The following DOCK11 variants were observed in gnomAD, a reference collection of about 807,000 sequenced individuals.
DOCK11 encodes dedicator of cytokinesis protein 11.
In DOCK11, 70 loss-of-function variants were observed where a neutral mutation model predicts 169.1. The observed-to-expected ratio is 0.41, with a 90% CI of 0.34 to 0.51. The LOEUF (loss-of-function observed/expected upper bound fraction) is 0.51. Ranked by LOEUF, DOCK11 falls within the 20% of genes least tolerant of loss-of-function variation. DOCK11 has a pLI of 0.10. For synonymous variants in DOCK11, 529 were observed against 541.3 expected (o/e 0.98, Z 0.32); for missense variants, 1,166 against 1,538.8 (o/e 0.76, Z 4.05).
intron 1 of DOCK11, among the ~76,000 whole-genome samples, chrX:118,518,534 C>A (rs1000344006): frequency 1.1e-4 from 12 of 111,634 alleles, no homozygotes; most frequent in Non-Finnish European, 1.7e-4. Flanking sequence ...CATAGTGAGA[C>A]CCCCATCTCT....
chrX:118,515,579 AG>A (rs2057677645), intron 1 of DOCK11, among the ~76,000 whole-genome samples: 2 of 110,852 alleles, frequency 1.8e-5, no homozygotes, highest in African/African-American at 6.6e-5. Context: ...TATCATTTGC[AG>A]GTTCCAGGGA....
intron 48 of DOCK11, among the ~76,000 whole-genome samples, chrX:118,680,213 C>A (rs961011222): frequency 9.1e-6 from 1 of 110,403 alleles, no homozygotes; most frequent in Non-Finnish European, 1.9e-5. Context: ...AGGCATGAGC[C>A]ACCGTGCCTG....
intron 31 of DOCK11, among the ~76,000 whole-genome samples, chrX:118,620,093 G>A (rs1301614128): frequency 8.1e-5 from 9 of 111,091 alleles, no homozygotes; most frequent in African/African-American, 2.6e-4. Flanking sequence ...TGGGATTACA[G>A]GCGTGAGCCA....
At chrX:118,543,616 A>G in intron 4 of DOCK11, 23 bp downstream of exon 4, 1 of 1,148,296 alleles carries the variant, frequency 8.7e-7, no homozygotes, top group South Asian at 1.8e-5. Context: ...TTCCAGGGAA[A>G]CATGCAACAG....
rs868344011 is a variant in DOCK11 at position 118,647,743 on chromosome X, A to T, written c.4399-1202A>T. Reference sequence around the variant, plus strand: ...ATAATAATTAATATAATATAATATAATATATAATAATATATAATATATTAT... The same window carrying T: ...ATAATAATTAATATAATATAATATATTATATAATAATATATAATATATTAT... On this transcript the variant is annotated intron_variant, in intron 40 of 52. Coordinates refer to ENST00000276202, the MANE Select transcript of DOCK11 (RefSeq NM_144658.4). Among the ~76,000 whole-genome samples the T allele has an allele frequency of 5.8e-5, 3 of 51,515 alleles. 1 individual carries two copies. Among genetic ancestry groups the T allele is most frequent in the African/African-American group, 1.8e-4 (2 of 11,125 alleles). The allele number at this position is 51,515 out of a possible 115,157, so 44.7% of individuals were successfully genotyped here.
At chrX:118,684,209 C>T (rs921333274) in intron 52 of DOCK11, among the ~76,000 whole-genome samples, 1 of 109,273 alleles carries the variant, frequency 9.2e-6, no homozygotes, top group Non-Finnish European at 1.9e-5. Flanking sequence ...TAATCTGTTA[C>T]AGAATACCGA....
intron 35 of DOCK11, among the ~76,000 whole-genome samples, chrX:118,630,761 AT>A (rs1207260315): frequency 8.9e-6 from 1 of 112,597 alleles, no homozygotes; most frequent in East Asian, 2.8e-4. Context: ...AGTGCTAAAC[AT>A]TTTGTTTTCA....
In DOCK11 at chrX:118,681,226, T is replaced by G; in HGVS notation, c.5840T>G (p.Leu1947Trp). ...GACATGATTCAGCTCCAACTTAAAT[T>G]GCAGGGCTGTGTTTCTGTGCAGGTA... is the stretch of plus-strand genomic sequence containing the variant. ...DVDMIQLQLK[L>W]QGCVSVQVNA... The change falls in exon 50 of 53, where the codon TTG (leucine) becomes TGG (tryptophan). Residue 1947 changes from leucine (L) to tryptophan (W), a missense_variant. Coordinates refer to ENST00000276202, the MANE Select transcript of DOCK11 (RefSeq NM_144658.4). 8.4e-7 allele frequency: 1 copy of G among 1,195,600 alleles called. No individual in the cohort carries two copies. The highest frequency in any genetic ancestry group is 1.1e-6 in the Non-Finnish European group (1 of 889,017).
At chrX:118,607,062 TCCTTTTCCTTTCCTTTCCTTTTCCCTTTC>T (rs2014530643) in intron 24 of DOCK11, among the ~76,000 whole-genome samples, 2 of 107,711 alleles carry the variant, frequency 1.9e-5, no homozygotes, top group African/African-American at 6.8e-5. Context: ...CCTTTCCTTT[TCCTTTTCCTTTCCTTTCCTTTTCCCTTTC>T]CCTTTTCTTT....
At chrX:118,638,152 C>T in intron 37 of DOCK11, 25 bp downstream of exon 37, 1 of 1,184,181 alleles carries the variant, frequency 8.4e-7, no homozygotes, top group South Asian at 1.8e-5. Flanking sequence ...ACTGCAATTT[C>T]TACTTTTTCC....
At chrX:118,658,970 C>G (rs2016149099) in intron 44 of DOCK11, among the ~76,000 whole-genome samples, 1 of 111,695 alleles carries the variant, frequency 9.0e-6, no homozygotes, top group Admixed American at 9.5e-5. Flanking sequence ...CCCATAGAAT[C>G]TGGTTTTTTT....
At chrX:118,628,906 C>T (rs2015171603) in intron 34 of DOCK11, among the ~76,000 whole-genome samples, 1 of 112,331 alleles carries the variant, frequency 8.9e-6, no homozygotes, top group Non-Finnish European at 1.9e-5. Context: ...TCTCAATTTA[C>T]AAATGAAAAT....
rs193128257 is a variant in DOCK11 at position 118,625,409 on chromosome X, G to A, written c.3588+754G>A. Among the ~76,000 whole-genome samples the A allele has an allele frequency of 4.0e-3, 446 of 110,899 alleles. 2 individuals are homozygous for A. The highest frequency in any genetic ancestry group is 0.014 in the African/African-American group (431 of 30,469). On this transcript the variant is annotated intron_variant, in intron 32 of 52. Coordinates refer to ENST00000276202, the MANE Select transcript of DOCK11 (RefSeq NM_144658.4). Reference sequence around the variant, plus strand: ...TGACCTCAGGTGATCTACCCACCACGGCCCCCAAAGTGCTAGGATTACAGG... The same window carrying A: ...TGACCTCAGGTGATCTACCCACCACAGCCCCCAAAGTGCTAGGATTACAGG...
chrX:118,553,223 T>G (rs757542508), intron 6 of DOCK11, among the ~76,000 whole-genome samples: 73 of 112,293 alleles, frequency 6.5e-4, no homozygotes, highest in Non-Finnish European at 1.1e-3. Flanking sequence ...TTTATTCAAC[T>G]TCTTTTCATA....
At position 118,628,168 on chromosome X, in the gene DOCK11, G is replaced by A; in HGVS notation, c.3670G>A (p.Gly1224Arg). 2.5e-6 allele frequency: 3 copies of A among 1,187,044 alleles called. No individual in the cohort carries two copies. The highest frequency in any genetic ancestry group is 3.0e-5 in the East Asian group (1 of 33,504). ...TGACTTTTTTTTTTCCCCAGCTTAT[G>A]GGTCTTTTCAAAATGGACATGGAAT... ...SLSTDKDTAY[G>R]SFQNGHGIKR... Residue 1224 changes from glycine to arginine, a missense_variant, in exon 34 of 53, where the codon GGG (glycine) becomes AGG (arginine). Coordinates refer to ENST00000276202, the MANE Select transcript of DOCK11 (RefSeq NM_144658.4).
Position 118,544,644 on chromosome X carries a change from G to GTTTT in DOCK11, c.393-679_393-678insTTTT, listed in dbSNP as rs1439441148. Among the ~76,000 whole-genome samples, 25 of 45,743 alleles carry GTTTT rather than the reference G, an allele frequency of 5.5e-4. 1 individual carries two copies. In the South Asian group the frequency reaches 8.3e-3, roughly 15 times the overall value. The allele number at this position is 45,743 out of a possible 115,157, so 39.7% of individuals were successfully genotyped here. A position where few individuals can be genotyped will look rare whatever the true frequency, so the allele number is the denominator to read the frequency against. On this transcript the variant is annotated intron_variant, in intron 4 of 52. Coordinates refer to ENST00000276202, the MANE Select transcript of DOCK11 (RefSeq NM_144658.4). Reference sequence around the variant, plus strand: ...ATGCAAGAGCCAGAATTACACTGTTGCTTTTTTTTTTTTTTTTTTTTTTTT... The same window carrying GTTTT: ...ATGCAAGAGCCAGAATTACACTGTTGTTTTCTTTTTTTTTTTTTTTTTTTTTTTT...
At position 118,597,287 on chromosome X, in the gene DOCK11, A is replaced by G. The variant is rs2014195829; in HGVS notation, c.2264-144A>G. 2 of 701,196 alleles carry G rather than the reference A, an allele frequency of 2.9e-6. 1 individual carries two copies. Among genetic ancestry groups the G allele is most frequent in the South Asian group, 5.8e-5 (2 of 34,718 alleles). 57.8% of individuals were successfully genotyped at this position (701,196 alleles called of 1,213,427 possible). A position where few individuals can be genotyped will look rare whatever the true frequency, so the allele number is the denominator to read the frequency against. On this transcript the variant is annotated intron_variant, in intron 20 of 52. Transcript: ENST00000276202. ...GATCCAAACCCATTGTTCCTTCCCC[A>G]GTACTCAGTTGCCCAGCACCTGAAC...
At position 118,572,441 on chromosome X, in the gene DOCK11, A is replaced by G. The variant is rs761234991; in HGVS notation, c.1154A>G (p.Asn385Ser). 6.6e-6 allele frequency: 8 copies of G among 1,203,105 alleles called. No homozygotes were observed. In the African/African-American group the frequency reaches 1.2e-4, roughly 18 times the overall value. ...TFNILGQIGD[N>S]AKGPPTNVEP... ...AATATCTTGGGCCAAATTGGAGACA[A>G]TGCAAAAGGACCACCCACAAATGTA... Residue 385 changes from asparagine to serine, a missense_variant, in exon 11 of 53, where the codon AAT (asparagine) becomes AGT (serine). Transcript: ENST00000276202.
chrX:118,673,870 A>G (rs757406412), intron 46 of DOCK11, among the ~76,000 whole-genome samples: 1 of 111,493 alleles, frequency 9.0e-6, no homozygotes, highest in African/African-American at 3.3e-5. Context: ...TATTCTGGAT[A>G]TGTCATATAA....
Sources: allele counts gnomAD v4.1 joint callset (sites outside exome capture counted in the v4.1 genomes callset), GRCh38; gene constraint gnomAD v4.1.1; transcripts MANE v1.5; gene names NCBI Gene and HGNC (gene_info 2026-07-23, HGNC 2026-07-21).